FTO: variants seen among roughly 807,000 people sequenced by gnomAD.
The protein encoded by FTO is FTO alpha-ketoglutarate dependent dioxygenase, also known as alpha-ketoglutarate-dependent dioxygenase FTO.
Under a neutral mutation model 63.9 loss-of-function variants are expected in FTO, and 47 were observed. The ratio of observed to expected loss-of-function variants is 0.74; its 90% CI spans 0.58 to 0.94. The LOEUF is 0.94. Ranked by LOEUF, FTO falls within the 40% of genes least tolerant of loss-of-function variation. The pLI is 0.00. For missense variants in FTO, 562 were observed against 618.1 expected, an observed-to-expected ratio of 0.91 and a Z score of 0.96; for synonymous variants, 207 against 224.4, an observed-to-expected ratio of 0.92 and a Z score of 0.69.
chr16:53,802,858 C>A (rs2078262521), intron 1 of FTO, among the ~76,000 whole-genome samples: 1 of 151,964 alleles, frequency 6.6e-6, no homozygotes, highest in Non-Finnish European at 1.5e-5. Context: ...TGTATCTTGC[C>A]TCTCAGATAT....
chr16:53,964,024 A>G (rs1446964747), intron 8 of FTO, among the ~76,000 whole-genome samples: 1 of 152,186 alleles, frequency 6.6e-6, no homozygotes, highest in Non-Finnish European at 1.5e-5. Flanking sequence ...AAGTGCTGGG[A>G]TTACAGGTGT....
chr16:53,857,440 G>GTCTC (rs147635985), intron 4 of FTO, among the ~76,000 whole-genome samples: 2,815 of 142,006 alleles, frequency 0.02, 43 homozygotes, highest in African/African-American at 0.054. Flanking sequence ...TGAGAACCTG[G>GTCTC]TCTCTCTCTC....
chr16:54,035,397 T>A (rs1321871922), intron 8 of FTO, among the ~76,000 whole-genome samples: 1 of 152,228 alleles, frequency 6.6e-6, no homozygotes, highest in Non-Finnish European at 1.5e-5. Context: ...ATCCTTCATT[T>A]GATGTCCTGT....
chr16:54,000,327 G>A (rs1170521217), intron 8 of FTO, among the ~76,000 whole-genome samples: 1 of 152,166 alleles, frequency 6.6e-6, no homozygotes, highest in African/African-American at 2.4e-5. Flanking sequence ...AAGAAAAACA[G>A]GAGAGTTGAA....
chr16:53,733,378 G>T (rs2076316497), intron 1 of FTO, among the ~76,000 whole-genome samples: 1 of 151,858 alleles, frequency 6.6e-6, no homozygotes, highest in African/African-American at 2.4e-5. Context: ...TTCCAGCCTG[G>T]GTAACAAGAG....
intron 8 of FTO, among the ~76,000 whole-genome samples, chr16:54,092,178 G>A (rs1323011316): frequency 6.6e-6 from 1 of 152,230 alleles, no homozygotes; most frequent in Admixed American, 6.5e-5. Flanking sequence ...AGCTACTTGG[G>A]GGGCTGAGTT....
chr16:53,773,088 TA>T (rs1567973901), intron 1 of FTO, among the ~76,000 whole-genome samples: 2 of 86,320 alleles, frequency 2.3e-5, no homozygotes, highest in Non-Finnish European at 2.2e-5. Context: ...TTGATTTATT[TA>T]TTTATTTTTT....
chr16:53,801,265 G>A (rs570043435), intron 1 of FTO, among the ~76,000 whole-genome samples: 1 of 150,838 alleles, frequency 6.6e-6, no homozygotes, highest in African/African-American at 2.4e-5. Context: ...TGGTTTTAGG[G>A]TTTCTGGTAT....
intron 8 of FTO, among the ~76,000 whole-genome samples, chr16:53,943,309 G>T (rs909829307): frequency 2.0e-5 from 3 of 152,152 alleles, no homozygotes; most frequent in African/African-American, 7.2e-5. Context: ...GTCATTATTT[G>T]AACAGTTTTA....
chr16:54,035,911 G>GT (rs1301996844), intron 8 of FTO, among the ~76,000 whole-genome samples: 1 of 152,108 alleles, frequency 6.6e-6, no homozygotes, highest in African/African-American at 2.4e-5. Flanking sequence ...AATTTCTTTG[G>GT]TTTTGAGGTC....
intron 8 of FTO, among the ~76,000 whole-genome samples, chr16:54,096,523 A>T (rs1306124785): frequency 2.6e-5 from 4 of 152,232 alleles, no homozygotes; most frequent in Admixed American, 2.6e-4. Context: ...TAAAGACTCC[A>T]TAGGTTCTTT....
At chr16:54,064,316 C>T (rs1345819836) in intron 8 of FTO, among the ~76,000 whole-genome samples, 5 of 152,134 alleles carry the variant, frequency 3.3e-5, no homozygotes, top group African/African-American at 9.7e-5. Flanking sequence ...CTTTAAGATT[C>T]TTTATTTTAG....
chr16:54,083,134 G>A (rs62034120), intron 8 of FTO, among the ~76,000 whole-genome samples: 27,906 of 152,130 alleles, frequency 0.18, 3,279 homozygotes, highest in Middle Eastern at 0.33. Flanking sequence ...GAAAGCATTT[G>A]TAGCAGACTT....
chr16:53,749,534 G>A (rs2076732482), intron 1 of FTO, among the ~76,000 whole-genome samples: 1 of 151,836 alleles, frequency 6.6e-6, no homozygotes, highest in Non-Finnish European at 1.5e-5. Context: ...CGCCTCCCGG[G>A]TTCATGCCAT....
intron 7 of FTO, among the ~76,000 whole-genome samples, chr16:53,897,663 G>T (rs1057212565): frequency 2.0e-5 from 3 of 152,118 alleles, no homozygotes; most frequent in Non-Finnish European, 2.9e-5. Context: ...GGGAGTGGTG[G>T]CATATACCAA....
At chr16:53,792,717 C>T (rs75222427) in intron 1 of FTO, among the ~76,000 whole-genome samples, 5,514 of 152,132 alleles carry the variant, frequency 0.036, 109 homozygotes, top group Admixed American at 0.042. Flanking sequence ...AGAAGACTAC[C>T]AAAGTATAAG....
intron 4 of FTO, among the ~76,000 whole-genome samples, chr16:53,868,259 C>T (rs2080388315): frequency 6.6e-6 from 1 of 151,506 alleles, no homozygotes; most frequent in African/African-American, 2.4e-5. Flanking sequence ...TTGTTTTTTC[C>T]CCTGTTTTTG....
intron 7 of FTO, among the ~76,000 whole-genome samples, chr16:53,928,883 G>T (rs2082212801): frequency 6.6e-6 from 1 of 151,508 alleles, no homozygotes. Flanking sequence ...CTGCTCTGTT[G>T]CCCAGGCTGG....
At chr16:53,855,123 T>C (rs2079947783) in intron 4 of FTO, among the ~76,000 whole-genome samples, 1 of 152,156 alleles carries the variant, frequency 6.6e-6, no homozygotes, top group South Asian at 2.1e-4. Context: ...TGCTACTGAT[T>C]TGTGTACATT....
Sources: allele counts gnomAD v4.1 joint callset (sites outside exome capture counted in the v4.1 genomes callset), GRCh38; gene constraint gnomAD v4.1.1; transcripts MANE v1.5; gene names NCBI Gene and HGNC (gene_info 2026-07-23, HGNC 2026-07-21).